Variants in PRKG1 observed in about 807,000 individuals in gnomAD.
PRKG1 encodes the protein protein kinase cGMP-dependent 1.
A neutral mutation model predicts 88.1 loss-of-function variants in PRKG1; 35 were observed. The ratio of observed to expected loss-of-function variants is 0.40; its 90% CI spans 0.30 to 0.53. The LOEUF (loss-of-function observed/expected upper bound fraction) is 0.53. PRKG1 is among the 20% of genes least tolerant of loss of function. The probability of loss-of-function intolerance (pLI) is 0.59; values close to 1 mark genes in which losing one functional copy is unlikely to be tolerated. For missense variants in PRKG1, 540 were observed against 839.8 expected (o/e 0.64, Z 4.41); for synonymous variants, 303 against 292.5 (o/e 1.04, Z -0.37).
intron 3 of PRKG1, among the ~76,000 whole-genome samples, chr10:51,748,366 G>C (rs1350383843): frequency 1.3e-5 from 2 of 152,158 alleles, no homozygotes; most frequent in African/African-American, 4.8e-5. Flanking sequence ...TATACTAATG[G>C]TGCTGAAGGG....
intron 2 of PRKG1, among the ~76,000 whole-genome samples, chr10:51,290,259 A>T (rs1840549396): frequency 6.6e-6 from 1 of 152,260 alleles, no homozygotes; most frequent in African/African-American, 2.4e-5. Context: ...ACAAAAAAAA[A>T]GACGAGTAAC....
At chr10:51,299,722 T>A (rs76673249) in intron 2 of PRKG1, 1 of 402,530 alleles carries the variant, frequency 2.5e-6, no homozygotes, top group African/African-American at 2.2e-5. Flanking sequence ...TGCACATGTG[T>A]TTTTTCCTGG....
intron 2 of PRKG1, among the ~76,000 whole-genome samples, chr10:51,429,796 GA>G (rs563042058): frequency 1.6e-4 from 22 of 138,480 alleles, no homozygotes; most frequent in East Asian, 1.1e-3. Flanking sequence ...AAGCATAGAA[GA>G]AAAAAAAAAC....
chr10:52,155,716 T>C (rs1320336555), intron 8 of PRKG1, among the ~76,000 whole-genome samples: 3 of 119,012 alleles, frequency 2.5e-5, no homozygotes, highest in African/African-American at 9.3e-5. Context: ...TTCAATTTGT[T>C]AACCTATTGC....
At chr10:51,929,985 A>G (rs530444324) in intron 5 of PRKG1, among the ~76,000 whole-genome samples, 10 of 152,320 alleles carry the variant, frequency 6.6e-5, no homozygotes, top group Admixed American at 1.3e-4. Flanking sequence ...GTAAGGTAGC[A>G]TCAGAGGTAC....
chr10:51,917,275 T>C lies in PRKG1; in HGVS notation c.762+9705T>C, dbSNP rs137916989. ...CAGAGGTTGCAGCGGGCCAAGATCG[T>C]GCCACTGCACTCCAGCCTGAGCAAC... is the stretch of plus-strand genomic sequence containing the variant. On this transcript the variant is annotated intron_variant, in intron 5 of 17. Coordinates refer to ENST00000373980, the MANE Select transcript of PRKG1 (RefSeq NM_006258.4). 6.0e-3 allele frequency among the ~76,000 whole-genome samples: 878 copies of C among 145,728 alleles called. 11 individuals carry two copies. Among genetic ancestry groups the C allele is most frequent in the African/African-American group, 0.022 (832 of 38,536 alleles).
At chr10:52,141,580 C>CTCTGTT (rs1396828505) in intron 8 of PRKG1, among the ~76,000 whole-genome samples, 11 of 152,036 alleles carry the variant, frequency 7.2e-5, no homozygotes, top group African/African-American at 2.7e-4. Flanking sequence ...TGCTTATTTC[C>CTCTGTT]ATCTCTGTTA....
chr10:51,935,954 G>T (rs952080074), intron 5 of PRKG1, among the ~76,000 whole-genome samples: 5 of 151,998 alleles, frequency 3.3e-5, no homozygotes, highest in Non-Finnish European at 5.9e-5. Flanking sequence ...TGTGTTAATT[G>T]CATAGCCACC....
intron 3 of PRKG1, among the ~76,000 whole-genome samples, chr10:51,661,362 G>A (rs116585547): frequency 0.036 from 5,443 of 151,990 alleles, 136 homozygotes; most frequent in South Asian, 0.1. Flanking sequence ...ATACATTGGA[G>A]TTAAGAACTT....
intron 4 of PRKG1, among the ~76,000 whole-genome samples, chr10:51,820,485 A>G (rs1839714004): frequency 6.6e-6 from 1 of 152,136 alleles, no homozygotes; most frequent in South Asian, 2.1e-4. Flanking sequence ...TCTGTCCCCA[A>G]AATGTCCAAC....
At chr10:51,365,972 T>G (rs1842581094) in intron 2 of PRKG1, among the ~76,000 whole-genome samples, 1 of 151,974 alleles carries the variant, frequency 6.6e-6, no homozygotes, top group South Asian at 2.1e-4. Context: ...TCCAGGTCTT[T>G]GTTTAAAAAC....
At chr10:52,047,114 T>A (rs6480689) in intron 5 of PRKG1, among the ~76,000 whole-genome samples, 4,244 of 152,208 alleles carry the variant, frequency 0.028, 185 homozygotes, top group African/African-American at 0.095. Flanking sequence ...GGTGATGGTA[T>A]GAGGAAGGAA....
At chr10:51,733,074 CA>C (rs202138428) in intron 3 of PRKG1, among the ~76,000 whole-genome samples, 2 of 151,496 alleles carry the variant, frequency 1.3e-5, no homozygotes, top group East Asian at 1.9e-4. Flanking sequence ...ACAACAACAA[CA>C]AAAAAAACAC....
chr10:51,711,028 A>ACGT (rs1841734826), intron 3 of PRKG1, among the ~76,000 whole-genome samples: 5 of 150,662 alleles, frequency 3.3e-5, no homozygotes, highest in African/African-American at 7.3e-5. Context: ...GACGTGAAAG[A>ACGT]CTTACAATTC....
intron 4 of PRKG1, among the ~76,000 whole-genome samples, chr10:51,840,353 G>A (rs1016550355): frequency 1.3e-4 from 20 of 152,010 alleles, no homozygotes; most frequent in African/African-American, 4.8e-4. Context: ...GTTCTTAGAG[G>A]TAATGCCTTT....
At chr10:52,045,704 A>G (rs902857305) in intron 5 of PRKG1, among the ~76,000 whole-genome samples, 1 of 152,090 alleles carries the variant, frequency 6.6e-6, no homozygotes, top group African/African-American at 2.4e-5. Flanking sequence ...ATACTTGATG[A>G]TTAAAAGAAA....
intron 2 of PRKG1, among the ~76,000 whole-genome samples, chr10:51,214,659 G>A (rs1297442649): frequency 6.7e-6 from 1 of 149,900 alleles, no homozygotes; most frequent in East Asian, 2.0e-4. Flanking sequence ...TTTTTATTTT[G>A]TAGAGACGGT....
chr10:51,985,075 T>C (rs548002063), intron 5 of PRKG1, among the ~76,000 whole-genome samples: 68 of 152,320 alleles, frequency 4.5e-4, no homozygotes, highest in South Asian at 4.1e-4. Context: ...TAGGCAATAG[T>C]TCATTTTGAA....
At chr10:51,608,927 A>G (rs1650509941) in intron 3 of PRKG1, among the ~76,000 whole-genome samples, 1 of 152,158 alleles carries the variant, frequency 6.6e-6, no homozygotes, top group Non-Finnish European at 1.5e-5. Flanking sequence ...GAAAAAGCTT[A>G]TGGAATAAGG....
Sources: allele counts gnomAD v4.1 joint callset (sites outside exome capture counted in the v4.1 genomes callset), GRCh38; gene constraint gnomAD v4.1.1; transcripts MANE v1.5; gene names NCBI Gene and HGNC (gene_info 2026-07-23, HGNC 2026-07-21).